The following CNGB1 variants were observed in gnomAD, a reference collection of about 807,000 sequenced individuals.
CNGB1 encodes cyclic nucleotide-gated channel beta-1.
In CNGB1, 126 loss-of-function variants were observed where a neutral mutation model predicts 151.7. The ratio of observed to expected loss-of-function variants is 0.83; its 90% CI spans 0.72 to 0.96. The LOEUF (loss-of-function observed/expected upper bound fraction) is 0.96. Among genes scored for constraint, CNGB1 ranks in the 40% least tolerant of loss-of-function variants. The probability of loss-of-function intolerance (pLI) is 0.00; values close to 1 mark genes in which losing one functional copy is unlikely to be tolerated. For synonymous variants in CNGB1, 623 were observed against 635.1 expected (o/e 0.98, Z 0.29); for missense variants, 1,698 against 1,627.0 (o/e 1.04, Z -0.75).
chr16:57,964,465 G>A lies in CNGB1; in HGVS notation c.217+22C>T, dbSNP rs915450772. On this transcript the variant is annotated intron_variant, in intron 3 of 32. Transcript: ENST00000251102. ...GCGGGCCCCCCTGCCATGCCAGCCT[G>A]GGCTTCAGCACTCGCACTCACCCTG... 7.4e-6 allele frequency: 12 copies of A among 1,613,590 alleles called. No individual in the cohort carries two copies. The African/African-American group carries it at 1.6e-4, about 22-fold the overall frequency.
chr16:57,909,244 A>G (rs449565), intron 25 of CNGB1, among the ~76,000 whole-genome samples: 88,124 of 151,998 alleles, frequency 0.58, 26,192 homozygotes, highest in African/African-American at 0.73. Context: ...CTCCAGTCTG[A>G]GCAACAGAGA....
chr16:57,959,784 T>G, intron 10 of CNGB1, 104 bp downstream of exon 10: 1 of 1,370,216 alleles, frequency 7.3e-7, no homozygotes, highest in Non-Finnish European at 9.6e-7. Context: ...GCTGCACACA[T>G]CCAGTTGAAT....
chr16:57,914,509 T>A (rs1960810344), intron 23 of CNGB1, among the ~76,000 whole-genome samples: 1 of 152,210 alleles, frequency 6.6e-6, no homozygotes, highest in African/African-American at 2.4e-5. Flanking sequence ...TTTTGTAAAT[T>A]CCCTCAGTAC....
At chr16:57,968,988 A>C (rs1488920630) in intron 1 of CNGB1, among the ~76,000 whole-genome samples, 2 of 150,470 alleles carry the variant, frequency 1.3e-5, no homozygotes, top group African/African-American at 2.5e-5. Context: ...CTGGGTAACA[A>C]AGCAAGATCC....
chr16:57,931,827 T>G lies in CNGB1; in HGVS notation c.1424A>C (p.Asp475Ala), dbSNP rs1332362885. ...CTCTTCTGCCATGAGGGGGCAGCTA[T>G]CAGCATCAGTATCTTCCACCTGCAC... Reference protein sequence around the residue: ...PEVQVEDTDADSCPLMAEENP... With the variant: ...PEVQVEDTDAASCPLMAEENP... Residue 475 changes from aspartate (D) to alanine (A), a missense_variant, in exon 17 of 33, where the codon GAT becomes GCT. By Grantham distance (126) the Asp-to-Ala change is moderately radical. Coordinates refer to ENST00000251102, the MANE Select transcript of CNGB1 (RefSeq NM_001297.5). The G allele has an allele frequency of 3.1e-6, 5 of 1,614,034 alleles. No homozygotes were observed. In the African/African-American group the frequency reaches 6.7e-5, roughly 22 times the overall value.
At chr16:57,893,368 C>T (rs951258335) in intron 31 of CNGB1, among the ~76,000 whole-genome samples, 1 of 152,144 alleles carries the variant, frequency 6.6e-6, no homozygotes, top group Admixed American at 6.5e-5. Context: ...ATGATCCTCC[C>T]GCCTCAGCCT....
In CNGB1 at chr16:57,923,369, G is replaced by A. The variant is rs1317499369; in HGVS notation, c.1547C>T (p.Pro516Leu). The A allele has an allele frequency of 6.2e-7, 1 of 1,613,040 alleles. No homozygotes were observed. Among genetic ancestry groups the A allele is most frequent in the Non-Finnish European group, 8.5e-7 (1 of 1,179,632 alleles). ...CTCTTCAGCCTCATCATCCTCAGAGGGCAGCTTCTTCCTGCAAAGACACAG... is the reference window on the plus strand; with the variant it reads ...CTCTTCAGCCTCATCATCCTCAGAGAGCAGCTTCTTCCTGCAAAGACACAG... Reference protein sequence around the residue: ...SASGTHRKKLPSEDDEAEELK... With the variant: ...SASGTHRKKLLSEDDEAEELK... The change falls in exon 18 of 33, where the codon CCC becomes CTC. Residue 516 changes from proline (P) to leucine (L), a missense_variant. Transcript: ENST00000251102.
intron 26 of CNGB1, among the ~76,000 whole-genome samples, chr16:57,904,411 C>T (rs1017125044): frequency 7.2e-5 from 11 of 152,168 alleles, no homozygotes; most frequent in South Asian, 2.1e-4. Context: ...CCTCATGTCT[C>T]GACCAGAATG....
intron 19 of CNGB1, among the ~76,000 whole-genome samples, chr16:57,919,556 T>G (rs1181498484): frequency 6.6e-6 from 1 of 152,178 alleles, no homozygotes; most frequent in Non-Finnish European, 1.5e-5. Flanking sequence ...GATGTTTCAA[T>G]GTCTGCTTGT....
At chr16:57,903,339 A>C (rs1176393551) in intron 27 of CNGB1, among the ~76,000 whole-genome samples, 1 of 151,880 alleles carries the variant, frequency 6.6e-6, no homozygotes, top group Non-Finnish European at 1.5e-5. Context: ...TAATAATATA[A>C]AAATGAGCCA....
chr16:57,907,865 C>G (rs1227206793), intron 25 of CNGB1, among the ~76,000 whole-genome samples: 2 of 152,116 alleles, frequency 1.3e-5, no homozygotes, highest in Non-Finnish European at 2.9e-5. Flanking sequence ...CTCAGGGACT[C>G]CTCTCCTGCC....
In CNGB1 at chr16:57,964,160, GC is replaced by G. The variant is rs1567399551; in HGVS notation, c.259del (p.Ala87ProfsTer9). The G allele has an allele frequency of 1.9e-6, 3 of 1,614,176 alleles. No homozygotes were observed. The highest frequency in any genetic ancestry group is 2.5e-6 in the Non-Finnish European group (3 of 1,180,022). On this transcript the variant is annotated frameshift_variant, in exon 4 of 33. Coordinates refer to ENST00000251102, the MANE Select transcript of CNGB1 (RefSeq NM_001297.5). LOFTEE classifies it high-confidence loss of function. ...AALTSTISLR[A>X]QGAEISEMNS... The stretch of plus-strand genomic sequence containing the variant: ...CATTTCAGAAATCTCAGCGCCCTGG[GC>G]CCGGAGGGATATGGTGGAAGTAAGG...
At chr16:57,909,732 T>C (rs1280163114) in intron 25 of CNGB1, among the ~76,000 whole-genome samples, 1 of 152,216 alleles carries the variant, frequency 6.6e-6, no homozygotes, top group African/African-American at 2.4e-5. Context: ...TGACTTTTGG[T>C]GGAATCAACA....
At chr16:57,893,719 T>C (rs1364775244) in intron 31 of CNGB1, among the ~76,000 whole-genome samples, 2 of 152,076 alleles carry the variant, frequency 1.3e-5, no homozygotes, top group Non-Finnish European at 2.9e-5. Flanking sequence ...GAGAATCGAA[T>C]TGTTTGAACC....
At chr16:57,931,679 G>C (rs753597911) in intron 17 of CNGB1, 37 bp downstream of exon 17, 1 of 1,611,012 alleles carries the variant, frequency 6.2e-7, no homozygotes, top group East Asian at 2.2e-5. Context: ...AGGTGGCACA[G>C]TGCCGAGAAA....
rs1267877107 is a variant in CNGB1 at position 57,882,839 on chromosome 16, C to T, written c.*1325G>A. The T allele has an allele frequency of 1.4e-5, 2 of 147,032 alleles. No individual in the cohort carries two copies. Among genetic ancestry groups the T allele is most frequent in the South Asian group, 2.1e-4 (1 of 4,686 alleles). 9.1% of individuals were successfully genotyped at this position (147,032 alleles called of 1,614,324 possible). ...TCTGAATCATAAAAGCAACATGACA[C>T]GATCTGGAAAGCTTTAGGGAATGTA... On this transcript the variant is annotated 3_prime_UTR_variant, in exon 33 of 33. Coordinates refer to ENST00000251102, the MANE Select transcript of CNGB1 (RefSeq NM_001297.5).
At chr16:57,960,596 C>G in intron 8 of CNGB1, 66 bp from the exon 9 acceptor site, 1 of 1,588,444 alleles carries the variant, frequency 6.3e-7, no homozygotes, top group Admixed American at 1.7e-5. Flanking sequence ...CCAACCGCCA[C>G]TACCAGCTGT....
intron 15 of CNGB1, 125 bp from the exon 16 acceptor site, chr16:57,939,717 C>T: frequency 5.3e-6 from 7 of 1,325,464 alleles, no homozygotes; most frequent in South Asian, 2.4e-5. Flanking sequence ...CCCTGCCCAG[C>T]CAGTCAGGTC....
At chr16:57,931,983 G>T in intron 16 of CNGB1, 105 bp from the exon 17 acceptor site, 1 of 1,234,366 alleles carries the variant, frequency 8.1e-7, no homozygotes, top group Non-Finnish European at 1.2e-6. Flanking sequence ...GTTTGGAGGG[G>T]ACTCTGATAG....
Sources: gnomAD v4.1 joint callset for allele counts (sites outside exome capture counted in the v4.1 genomes callset) on GRCh38, gnomAD v4.1.1 for gene constraint, MANE v1.5 for transcripts, NCBI Gene and HGNC (gene_info 2026-07-23, HGNC 2026-07-21) for gene names.